The following YEATS2 variants were observed in gnomAD, a reference collection of about 807,000 sequenced individuals.
The protein encoded by YEATS2 is YEATS domain containing 2.
Under a neutral mutation model 163.2 loss-of-function variants are expected in YEATS2, and 77 were observed. The ratio of observed to expected loss-of-function variants is 0.47; its 90% CI spans 0.39 to 0.57. YEATS2 has a LOEUF of 0.57. Among genes scored for constraint, YEATS2 ranks in the 20% least tolerant of loss-of-function variants. The pLI is 0.00. For missense variants in YEATS2, 1,549 were observed against 1,729.8 expected (o/e 0.90, Z 1.85); for synonymous variants, 631 against 645.1 (o/e 0.98, Z 0.33).
intron 17 of YEATS2, 34 bp downstream of exon 17, chr3:183,773,828 C>T (rs2108392370): frequency 6.3e-7 from 1 of 1,580,384 alleles, no homozygotes; most frequent in African/African-American, 1.4e-5. Flanking sequence ...TCATTTGGTT[C>T]TTGGTTCTCT....
At chr3:183,759,961 T>C (rs1721173545) in intron 13 of YEATS2, among the ~76,000 whole-genome samples, 1 of 152,218 alleles carries the variant, frequency 6.6e-6, no homozygotes, top group South Asian at 2.1e-4. Flanking sequence ...CTCCCCTTTT[T>C]CTGGGTAAGC....
In YEATS2 at chr3:183,775,917, C is replaced by T; in HGVS notation, c.2371C>T (p.Leu791Phe). ...AILRATNNAN[L>F]QSGSAASGGS... ...GCTGTCATTCATTGTATTTTTAGAT[C>T]TCCAGTCTGGCTCAGCTGCCAGTGG... Residue 791 changes from leucine (L) to phenylalanine (F), a missense_variant and splice_region_variant, in exon 18 of 31, where the codon CTC becomes TTC. Leu to Phe is a conservative substitution (Grantham distance 22). Coordinates refer to ENST00000305135, the MANE Select transcript of YEATS2 (RefSeq NM_018023.5). The T allele has an allele frequency of 6.2e-7, 1 of 1,612,164 alleles. No homozygotes were observed.
At chr3:183,794,982 C>T (rs1724999220) in intron 21 of YEATS2, among the ~76,000 whole-genome samples, 1 of 144,292 alleles carries the variant, frequency 6.9e-6, no homozygotes, top group South Asian at 2.3e-4. Flanking sequence ...CAAGCCTGGG[C>T]AATGTGACAA....
chr3:183,748,489 C>T (rs1372864094), intron 9 of YEATS2, among the ~76,000 whole-genome samples: 3 of 152,050 alleles, frequency 2.0e-5, no homozygotes, highest in East Asian at 3.9e-4. Flanking sequence ...TGACTGCTCT[C>T]GAACTGCCTG....
intron 7 of YEATS2, among the ~76,000 whole-genome samples, chr3:183,736,026 A>G (rs262979): frequency 0.41 from 61,612 of 152,022 alleles, 13,133 homozygotes; most frequent in East Asian, 0.65. Context: ...TCAGACATAT[A>G]TGGAAGTAAA....
At chr3:183,748,058 G>T (rs1237695109) in intron 9 of YEATS2, among the ~76,000 whole-genome samples, 1 of 151,118 alleles carries the variant, frequency 6.6e-6, no homozygotes, top group Non-Finnish European at 1.5e-5. Flanking sequence ...TTTAAAGTTT[G>T]CCTTTCTGTG....
chr3:183,793,568 A>T, intron 21 of YEATS2: 1 of 301,126 alleles, frequency 3.3e-6, no homozygotes, highest in Non-Finnish European at 4.8e-6. Flanking sequence ...GTTTCCTAAG[A>T]TGCTGCTGAT....
At chr3:183,762,566 G>A (rs1185206732) in intron 15 of YEATS2, among the ~76,000 whole-genome samples, 1 of 152,218 alleles carries the variant, frequency 6.6e-6, no homozygotes, top group Admixed American at 6.5e-5. Context: ...CATGGGCACA[G>A]CTTTCTACTT....
intron 4 of YEATS2, among the ~76,000 whole-genome samples, chr3:183,718,838 G>A (rs1481639757): frequency 1.3e-5 from 2 of 152,154 alleles, no homozygotes; most frequent in African/African-American, 4.8e-5. Flanking sequence ...GGGATTACAG[G>A]CGTGTGCCAC....
At chr3:183,737,548 G>C (rs1339775274) in intron 8 of YEATS2, among the ~76,000 whole-genome samples, 1 of 152,148 alleles carries the variant, frequency 6.6e-6, no homozygotes, top group Non-Finnish European at 1.5e-5. Flanking sequence ...GTGTTTCTTG[G>C]GGCTAAGTTA....
rs1418962343 is a variant in YEATS2 at position 183,756,657 on chromosome 3, G to A, written c.1520G>A (p.Gly507Glu). 5 of 1,590,994 alleles carry A rather than the reference G, an allele frequency of 3.1e-6. No homozygotes were observed. The highest frequency in any genetic ancestry group is 4.3e-6 in the Non-Finnish European group (5 of 1,168,734). Reference protein sequence around the residue: ...NPYVIMDKQPGQVIGATTPST... With the variant: ...NPYVIMDKQPEQVIGATTPST... ...TATGTTATCATGGACAAGCAGCCGG[G>A]GCAGGTGATTGGAGCCACCACTCCC... Residue 507 changes from glycine to glutamate, a missense_variant, in exon 12 of 31, where the codon GGG becomes GAG. Transcript: ENST00000305135.
intron 4 of YEATS2, among the ~76,000 whole-genome samples, chr3:183,720,120 A>G (rs760269092): frequency 6.6e-6 from 1 of 152,188 alleles, no homozygotes; most frequent in Non-Finnish European, 1.5e-5. Context: ...ATATTCTAGC[A>G]TATCAGCAGG....
At chr3:183,796,345 G>A (rs1422269099) in intron 21 of YEATS2, among the ~76,000 whole-genome samples, 1 of 151,520 alleles carries the variant, frequency 6.6e-6, no homozygotes, top group Non-Finnish European at 1.5e-5. Flanking sequence ...TTTGTGCCTT[G>A]TATGCTCCTT....
At chr3:183,803,083 CCTT>C in intron 25 of YEATS2, 170 bp from the exon 26 acceptor site, 2 of 649,154 alleles carry the variant, frequency 3.1e-6, no homozygotes, top group South Asian at 1.9e-5. Flanking sequence ...CGGCAAGACA[CCTT>C]CTCTTCTGAG....
At chr3:183,738,559 C>G (rs56991098) in intron 8 of YEATS2, among the ~76,000 whole-genome samples, 1,516 of 113,074 alleles carry the variant, frequency 0.013, 25 homozygotes, top group African/African-American at 0.049. Context: ...CCCCTCCCCC[C>G]ACCCCACCAC....
At chr3:183,803,658 C>T (rs559324323) in intron 26 of YEATS2, 7 of 476,610 alleles carry the variant, frequency 1.5e-5, no homozygotes, top group East Asian at 8.1e-5. Context: ...AGTGGGAGAG[C>T]GCAGGTGGAG....
chr3:183,734,045 T>C (rs1325101953), intron 7 of YEATS2, among the ~76,000 whole-genome samples: 1 of 152,200 alleles, frequency 6.6e-6, no homozygotes, highest in Non-Finnish European at 1.5e-5. Flanking sequence ...CGTATCTGTT[T>C]TATTTCACTC....
intron 1 of YEATS2, among the ~76,000 whole-genome samples, chr3:183,714,431 C>T (rs1276860795): frequency 2.6e-5 from 4 of 151,504 alleles, no homozygotes; most frequent in African/African-American, 4.8e-5. Context: ...CTCCTGACCT[C>T]GTGATCCGCC....
chr3:183,729,286 A>C (rs1207086574), intron 7 of YEATS2, among the ~76,000 whole-genome samples: 1 of 151,620 alleles, frequency 6.6e-6, no homozygotes, highest in Admixed American at 6.6e-5. Context: ...AAAAAAAAAA[A>C]GGTAGTTGTA....
Sources: allele counts gnomAD v4.1 joint callset (sites outside exome capture counted in the v4.1 genomes callset), GRCh38; gene constraint gnomAD v4.1.1; transcripts MANE v1.5; gene names NCBI Gene and HGNC (gene_info 2026-07-23, HGNC 2026-07-21).